Variants in KTN1 observed in about 807,000 individuals in gnomAD.
KTN1 encodes the protein kinectin.
A neutral mutation model predicts 222.5 loss-of-function variants in KTN1; 130 were observed. The observed-to-expected ratio is 0.58, with a 90% CI of 0.51 to 0.68. The LOEUF (loss-of-function observed/expected upper bound fraction) is 0.68. Among genes scored for constraint, KTN1 ranks in the 30% least tolerant of loss-of-function variants. KTN1 has a pLI of 0.00. For missense variants in KTN1, 1,508 were observed against 1,500.4 expected (o/e 1.01, Z -0.08); for synonymous variants, 512 against 496.3 (o/e 1.03, Z -0.42).
At chr14:55,656,184 G>A (rs2043449285) in intron 29 of KTN1, 52 bp downstream of exon 29, 3 of 1,278,946 alleles carry the variant, frequency 2.3e-6, no homozygotes, top group South Asian at 2.6e-5. Flanking sequence ...GTCTTTGCAT[G>A]CTTTAAAATA....
intron 31 of KTN1, 61 bp from the exon 32 acceptor site, chr14:55,661,461 G>C: frequency 1.2e-6 from 1 of 829,600 alleles, no homozygotes; most frequent in Non-Finnish European, 2.1e-6. Context: ...GATAGGTAGG[G>C]ATCTAAGTTG....
intron 1 of KTN1, among the ~76,000 whole-genome samples, chr14:55,609,410 G>C (rs1010635651): frequency 1.2e-4 from 18 of 152,268 alleles, no homozygotes; most frequent in African/African-American, 3.6e-4. Flanking sequence ...TAAATGCATA[G>C]TGAGACTCAG....
In KTN1 at chr14:55,677,401, C is replaced by T. The variant is rs189116968; in HGVS notation, c.3856-951C>T. ...CTGAGGCAGAAGAATTGCTTGAATC[C>T]GGGAGGCAGAGGTTGCAGTGAGCCG... On this transcript the variant is annotated intron_variant, in intron 41 of 43. Coordinates refer to ENST00000395314, the MANE Select transcript of KTN1 (RefSeq NM_001079521.2). 1.7e-4 allele frequency among the ~76,000 whole-genome samples: 26 copies of T among 149,750 alleles called. No individual in the cohort carries two copies. In the East Asian group the frequency reaches 2.0e-3, roughly 11 times the overall value.
At position 55,588,293 on chromosome 14, in the gene KTN1, A is replaced by G. The variant is rs145840032; in HGVS notation, c.-31+7939A>G. ...TTTATTGATACCATAAGTTTATATC[A>G]TCTGTAAGATGAATCATCTGTCTGA... On this transcript the variant is annotated intron_variant, in intron 1 of 43. Coordinates refer to ENST00000395314, the MANE Select transcript of KTN1 (RefSeq NM_001079521.2). Among the ~76,000 whole-genome samples the G allele has an allele frequency of 4.1e-3, 624 of 152,318 alleles. 2 individuals carry two copies. Among genetic ancestry groups the G allele is most frequent in the Non-Finnish European group, 6.5e-3 (445 of 68,022 alleles).
chr14:55,615,219 C>T (rs180971810), intron 2 of KTN1, among the ~76,000 whole-genome samples: 265 of 152,240 alleles, frequency 1.7e-3, no homozygotes, highest in Non-Finnish European at 2.8e-3. Context: ...ACTATTTTAA[C>T]AACTTTTAAG....
At chr14:55,640,220 A>G (rs766496055) in intron 14 of KTN1, among the ~76,000 whole-genome samples, 154 bp from the exon 15 acceptor site, 2 of 151,918 alleles carry the variant, frequency 1.3e-5, no homozygotes, top group Non-Finnish European at 2.9e-5. Flanking sequence ...TTTGATAGGA[A>G]TATGCTAAAT....
intron 1 of KTN1, among the ~76,000 whole-genome samples, chr14:55,593,172 C>A (rs1387044950): frequency 1.3e-5 from 2 of 151,378 alleles, no homozygotes; most frequent in Admixed American, 1.3e-4. Context: ...TGTTTGGCAA[C>A]CCTTTTGCTA....
Position 55,676,882 on chromosome 14 carries a change from GA to G in KTN1, c.3855+965del, listed in dbSNP as rs58799619. On this transcript the variant is annotated intron_variant, in intron 41 of 43. Transcript: ENST00000395314. ...AGAATGTGAATTTGGGTCTGTTTTA[GA>G]GGACAAACTTTGATGCTTAATACAC... Among the ~76,000 whole-genome samples, 568 of 152,246 alleles carry G rather than the reference GA, an allele frequency of 3.7e-3. 5 individuals are homozygous for G. Among genetic ancestry groups the G allele is most frequent in the African/African-American group, 0.013 (533 of 41,552 alleles).
intron 28 of KTN1, among the ~76,000 whole-genome samples, chr14:55,655,764 A>G (rs889007074): frequency 6.6e-6 from 1 of 152,168 alleles, no homozygotes; most frequent in South Asian, 2.1e-4. Context: ...TGAAGTGGTA[A>G]TTTTTGCAAC....
intron 1 of KTN1, among the ~76,000 whole-genome samples, chr14:55,592,904 T>G (rs932890021): frequency 3.3e-5 from 5 of 152,200 alleles, no homozygotes; most frequent in East Asian, 3.8e-4. Flanking sequence ...AAATATTGCT[T>G]CTTTTATTTT....
chr14:55,606,044 G>C (rs1377128804), intron 1 of KTN1, among the ~76,000 whole-genome samples: 1 of 152,164 alleles, frequency 6.6e-6, no homozygotes, highest in Non-Finnish European at 1.5e-5. Flanking sequence ...CAAGTATTTA[G>C]ATTCAGTGTG....
intron 4 of KTN1, 109 bp from the exon 5 acceptor site, chr14:55,619,073 C>T (rs957364813): frequency 4.8e-5 from 38 of 786,678 alleles, no homozygotes; most frequent in South Asian, 9.0e-5. Context: ...TGTTTTCTTT[C>T]GGTTATTGAC....
At chr14:55,600,561 G>A (rs897009821) in intron 1 of KTN1, among the ~76,000 whole-genome samples, 1 of 152,172 alleles carries the variant, frequency 6.6e-6, no homozygotes, top group African/African-American at 2.4e-5. Context: ...AACATAGGCT[G>A]GCTGCCTGTT....
intron 5 of KTN1, among the ~76,000 whole-genome samples, chr14:55,624,678 CAGGA>C (rs2039576613): frequency 6.6e-6 from 1 of 152,032 alleles, no homozygotes; most frequent in Non-Finnish European, 1.5e-5. Context: ...GAATGAACCC[CAGGA>C]AACACCAACA....
chr14:55,661,258 A>C, intron 31 of KTN1: 1 of 275,096 alleles, frequency 3.6e-6, no homozygotes, highest in Non-Finnish European at 6.7e-6. Flanking sequence ...ATATCTTCAT[A>C]ATATGTTTCT....
At chr14:55,639,078 A>G (rs2041471206) in intron 12 of KTN1, 107 bp from the exon 13 acceptor site, 4 of 719,958 alleles carry the variant, frequency 5.6e-6, no homozygotes, top group East Asian at 2.7e-5. Flanking sequence ...TTTCATAACA[A>G]TTTATATACA....
intron 43 of KTN1, chr14:55,682,957 A>ACAG (rs2046500201): frequency 6.6e-6 from 1 of 152,112 alleles, no homozygotes; most frequent in South Asian, 2.1e-4. Context: ...GGAGAGGCTT[A>ACAG]CAGTAGTATC....
Position 55,684,293 on chromosome 14 carries a change from C to T in KTN1, c.*190C>T. ...AAAAAGCCAACTCTGTAGACACCTTCAGAGTTTAGTTTTATAATAAAAACT... is the reference window on the plus strand; with the variant it reads ...AAAAAGCCAACTCTGTAGACACCTTTAGAGTTTAGTTTTATAATAAAAACT... On this transcript the variant is annotated 3_prime_UTR_variant, in exon 44 of 44. Transcript: ENST00000395314. The T allele has an allele frequency of 4.7e-6, 2 of 430,010 alleles. No individual in the cohort carries two copies. The highest frequency in any genetic ancestry group is 3.5e-5 in the East Asian group (1 of 28,554). The allele number at this position is 430,010 out of a possible 1,614,324, so 26.6% of individuals were successfully genotyped here. A position where few individuals can be genotyped will look rare whatever the true frequency, so the allele number is the denominator to read the frequency against.
Position 55,595,435 on chromosome 14 carries a change from A to G in KTN1, c.-31+15081A>G, listed in dbSNP as rs532926124. On this transcript the variant is annotated intron_variant, in intron 1 of 43. Coordinates refer to ENST00000395314, the MANE Select transcript of KTN1 (RefSeq NM_001079521.2). The stretch of plus-strand genomic sequence containing the variant: ...CAGCTTATCTGAACTAGTTGTCAGA[A>G]TTTCTGCTATTCTAACCAGGTAACT... Among the ~76,000 whole-genome samples, 3 of 139,482 alleles carry G rather than the reference A, an allele frequency of 2.2e-5. No homozygotes were observed. The Admixed American group carries it at 2.3e-4, about 10-fold the overall frequency. The allele number at this position is 139,482 out of a possible 152,430, so 91.5% of individuals were successfully genotyped here. A position where few individuals can be genotyped will look rare whatever the true frequency, so the allele number is the denominator to read the frequency against.
Sources: gnomAD v4.1 joint callset for allele counts (sites outside exome capture counted in the v4.1 genomes callset) on GRCh38, gnomAD v4.1.1 for gene constraint, MANE v1.5 for transcripts, NCBI Gene and HGNC (gene_info 2026-07-23, HGNC 2026-07-21) for gene names.